The following KCNQ2 variants were observed in gnomAD, a reference collection of about 807,000 sequenced individuals.
KCNQ2 encodes the protein potassium voltage-gated channel subfamily Q member 2, also known as potassium voltage-gated channel subfamily KQT member 2.
Under a neutral mutation model 84.8 loss-of-function variants are expected in KCNQ2, and 14 were observed. The observed-to-expected ratio is 0.17, with a 90% CI of 0.11 to 0.26. The LOEUF is 0.26. Ranked by LOEUF, KCNQ2 falls within the 10% of genes least tolerant of loss-of-function variation. The pLI is 1.00. For synonymous variants in KCNQ2, 599 were observed against 554.1 expected (o/e 1.08, Z -1.14); for missense variants, 788 against 1,254.0 (o/e 0.63, Z 5.61).
intron 1 of KCNQ2, among the ~76,000 whole-genome samples, chr20:63,465,037 C>G (rs542217636): frequency 6.6e-6 from 1 of 152,244 alleles, no homozygotes; most frequent in Non-Finnish European, 1.5e-5. Context: ...AATGTCGACC[C>G]CAAAGCTCTC....
chr20:63,446,285 C>A lies in KCNQ2; in HGVS notation c.387+462G>T, dbSNP rs917229115. 3 of 259,326 alleles carry A rather than the reference C, an allele frequency of 1.2e-5. No homozygotes were observed. Among genetic ancestry groups the A allele is most frequent in the Non-Finnish European group, 2.3e-5 (3 of 132,236 alleles). The allele number at this position is 259,326 out of a possible 1,614,324, so 16.1% of individuals were successfully genotyped here. A position where few individuals can be genotyped will look rare whatever the true frequency, so the allele number is the denominator to read the frequency against. ...GATGGGGACCAGTCTCCTTGAGGGCCCCCCACCCCGTTACCAACAGCAACA... is the reference window on the plus strand; with the variant it reads ...GATGGGGACCAGTCTCCTTGAGGGCACCCCACCCCGTTACCAACAGCAACA... On this transcript the variant is annotated intron_variant, in intron 2 of 16. Coordinates refer to ENST00000359125, the MANE Select transcript of KCNQ2 (RefSeq NM_172107.4). The surrounding 1 kb of genome is among the most constrained non-coding windows in gnomAD (Gnocchi z 5.5).
At position 63,400,751 on chromosome 20, in the gene KCNQ2, TG is replaced by T. The variant is rs1029945844; in HGVS notation, c.*5892del. On this transcript the variant is annotated 3_prime_UTR_variant, in exon 17 of 17. Coordinates refer to ENST00000359125, the MANE Select transcript of KCNQ2 (RefSeq NM_172107.4). This position sits in a 1 kb window ranked among gnomAD's most constrained non-coding sequence, Gnocchi z 8.7. ...GCCGTGTGGATCCCGGGCAGAGGGATGGCGTCCAGCGGGACCACCAGCTCTG... is the reference window on the plus strand; with the variant it reads ...GCCGTGTGGATCCCGGGCAGAGGGATGCGTCCAGCGGGACCACCAGCTCTG... 5.0e-6 allele frequency: 2 copies of T among 398,290 alleles called. No homozygotes were observed. The highest frequency in any genetic ancestry group is 8.9e-6 in the Non-Finnish European group (2 of 225,956). The allele number at this position is 398,290 out of a possible 1,614,324, so 24.7% of individuals were successfully genotyped here. A position where few individuals can be genotyped will look rare whatever the true frequency, so the allele number is the denominator to read the frequency against.
chr20:63,444,806 C>A lies in KCNQ2; in HGVS notation c.543G>T (p.Ala181=). 6.2e-7 allele frequency: 1 copy of A among 1,607,102 alleles called. No individual in the cohort carries two copies. The highest frequency in any genetic ancestry group is 8.5e-7 in the Non-Finnish European group (1 of 1,177,134). The change falls in exon 4 of 17, where the codon GCG becomes GCT. Residue 181 remains alanine (A), a synonymous_variant. Transcript: ENST00000359125. The stretch of plus-strand genomic sequence containing the variant: ...TGCCCTGGGAGCCGGCGGCCAGCAC[C>A]GCAATGGAGGCGATGAGCACCATGA... ...IDIMVLIASI[A]VLAAGSQGNV...
At chr20:63,450,908 C>T (rs1053918605) in intron 1 of KCNQ2, among the ~76,000 whole-genome samples, 2 of 152,016 alleles carry the variant, frequency 1.3e-5, no homozygotes, top group East Asian at 3.8e-4. Context: ...GAGGCCGAGG[C>T]GGGCAGATCA....
At chr20:63,419,818 G>A (rs2080411107) in intron 11 of KCNQ2, 146 bp from the exon 12 acceptor site, 4 of 722,980 alleles carry the variant, frequency 5.5e-6, no homozygotes, top group Admixed American at 2.1e-5. Context: ...CAGCGAGGAA[G>A]GTGCACCATC....
At position 63,472,121 on chromosome 20, in the gene KCNQ2, T is replaced by TG. The variant is rs990814068; in HGVS notation, c.296+46dup. 4 of 1,364,142 alleles carry TG rather than the reference T, an allele frequency of 2.9e-6. No individual in the cohort carries two copies. The African/African-American group carries it at 6.1e-5, about 21-fold the overall frequency. 84.5% of individuals were successfully genotyped at this position (1,364,142 alleles called of 1,614,324 possible). On this transcript the variant is annotated intron_variant, in intron 1 of 16. Transcript: ENST00000359125. ...CCGGGGTCGCCGATGGGGTCGCCGA[T>TG]GGGGGTCGCCATGGGGGTCGCCACG...
intron 5 of KCNQ2, among the ~76,000 whole-genome samples, chr20:63,440,198 G>T (rs971578485): frequency 6.6e-6 from 1 of 152,160 alleles, no homozygotes; most frequent in Non-Finnish European, 1.5e-5. Context: ...GCCATGGCGG[G>T]GTGGGCTGCT....
intron 12 of KCNQ2, among the ~76,000 whole-genome samples, chr20:63,416,995 G>A (rs1041936809): frequency 1.3e-5 from 2 of 152,182 alleles, no homozygotes; most frequent in African/African-American, 2.4e-5. Flanking sequence ...AAGCAGAGAC[G>A]GAGTGGCCGA....
intron 1 of KCNQ2, among the ~76,000 whole-genome samples, chr20:63,470,689 C>G (rs1055948711): frequency 6.6e-6 from 1 of 152,190 alleles, no homozygotes; most frequent in Non-Finnish European, 1.5e-5. Context: ...TGGGTTCTAT[C>G]CTACCCTCCT....
At position 63,404,349 on chromosome 20, in the gene KCNQ2, TGGGGG is replaced by T. The variant is rs1006357399; in HGVS notation, c.*2290_*2294del. 1 of 81,264 alleles carries T rather than the reference TGGGGG, an allele frequency of 1.2e-5. No individual in the cohort carries two copies. The highest frequency in any genetic ancestry group is 6.0e-5 in the African/African-American group (1 of 16,780). 5.0% of individuals were successfully genotyped at this position (81,264 alleles called of 1,614,324 possible). ...GGAAAGAACAGGTGGGGCCACACCT[TGGGGG>T]GGGAGGAAAGAGCAGGTGGGGCCAT... On this transcript the variant is annotated 3_prime_UTR_variant, in exon 17 of 17. Transcript: ENST00000359125.
chr20:63,423,995 G>A (rs958337536), intron 11 of KCNQ2, 182 bp downstream of exon 11: 3 of 660,404 alleles, frequency 4.5e-6, no homozygotes, highest in Admixed American at 2.4e-5. Flanking sequence ...GGGTGAGCAG[G>A]AAGAGTGATT....
chr20:63,416,273 C>CG (rs1027079906), intron 12 of KCNQ2, among the ~76,000 whole-genome samples: 5 of 152,328 alleles, frequency 3.3e-5, no homozygotes, highest in East Asian at 3.9e-4. Context: ...TCCATACTCT[C>CG]GGGGGGTCCT....
intron 4 of KCNQ2, among the ~76,000 whole-genome samples, chr20:63,443,033 CCACCACCATCACCATCATCAG>C (rs2081267132): frequency 1.2e-4 from 4 of 34,002 alleles, no homozygotes; most frequent in Admixed American, 3.0e-4. Context: ...CATCACATCA[CCACCACCATCACCATCATCAG>C]CATCACCATC....
chr20:63,401,026 C>G lies in KCNQ2; in HGVS notation c.*5618G>C, dbSNP rs1454987005. ...TGTGCACGTGCCTGCCTGGTAGCCC[C>G]GGGGACCGGCCCCTCCTTGCTGGCG... is the stretch of plus-strand genomic sequence containing the variant. On this transcript the variant is annotated 3_prime_UTR_variant, in exon 17 of 17. Coordinates refer to ENST00000359125, the MANE Select transcript of KCNQ2 (RefSeq NM_172107.4). 2.5e-6 allele frequency: 1 copy of G among 396,342 alleles called. No individual in the cohort carries two copies. Among genetic ancestry groups the G allele is most frequent in the African/African-American group, 2.1e-5 (1 of 48,560 alleles). The allele number at this position is 396,342 out of a possible 1,614,324, so 24.6% of individuals were successfully genotyped here.
chr20:63,468,480 C>A (rs906265114), intron 1 of KCNQ2, among the ~76,000 whole-genome samples: 3 of 152,238 alleles, frequency 2.0e-5, no homozygotes, highest in Admixed American at 1.3e-4. Flanking sequence ...ACACCAGCCC[C>A]AGAGCTGAAT....
intron 15 of KCNQ2, chr20:63,411,758 G>A (rs913487600): frequency 1.2e-5 from 7 of 596,534 alleles, no homozygotes; most frequent in Non-Finnish European, 1.8e-5. Flanking sequence ...ACGTCGGAGA[G>A]GCGCTGGCAT....
At chr20:63,417,624 G>T (rs1287896556) in intron 12 of KCNQ2, among the ~76,000 whole-genome samples, 4 of 152,256 alleles carry the variant, frequency 2.6e-5, no homozygotes, top group Non-Finnish European at 5.9e-5. Context: ...GGCCCCGGAG[G>T]GGAACGGGTC....
Position 63,407,131 on chromosome 20 carries a change from T to C in KCNQ2, c.2132A>G (p.Gln711Arg). The C allele has an allele frequency of 6.4e-7, 1 of 1,561,388 alleles. No homozygotes were observed. The highest frequency in any genetic ancestry group is 8.6e-7 in the Non-Finnish European group (1 of 1,157,008). Residue 711 changes from glutamine (Q) to arginine (R), a missense_variant, in exon 17 of 17, where the codon CAG (glutamine) becomes CGG (arginine). Physicochemically the swap from Gln to Arg is conservative, Grantham distance 43. Transcript: ENST00000359125. The surrounding 1 kb of genome is among the most constrained non-coding windows in gnomAD (Gnocchi z 7.2). ...CTGCCAGGAGGTGGAGGGCGGACAC[T>C]GGACAGGGGGCGCGGCCGGGGGCGC... ...FSAPPAAPPV[Q>R]CPPSTSWQPQ... is the part of the protein sequence containing the mutation.
rs28378948 is a variant in KCNQ2 at position 63,407,842 on chromosome 20, C to G, written c.1888-467G>C. 6,054 of 202,872 alleles carry G rather than the reference C, an allele frequency of 0.03. 125 individuals carry two copies. The highest frequency in any genetic ancestry group is 0.043 in the Non-Finnish European group (4,227 of 98,240). The allele number at this position is 202,872 out of a possible 1,614,324, so 12.6% of individuals were successfully genotyped here. The stretch of plus-strand genomic sequence containing the variant: ...CCCAGGAGCAGCTCTTCCTCCTTCC[C>G]AGACCCCTAGGGGCAAAGCCTCCAG... On this transcript the variant is annotated intron_variant, in intron 16 of 16. Coordinates refer to ENST00000359125, the MANE Select transcript of KCNQ2 (RefSeq NM_172107.4). This position sits in a 1 kb window ranked among gnomAD's most constrained non-coding sequence, Gnocchi z 7.2.
Sources: gnomAD v4.1 joint callset for allele counts (sites outside exome capture counted in the v4.1 genomes callset) on GRCh38, gnomAD v4.1.1 for gene constraint, Gnocchi (gnomAD v3.1) non-coding constraint, MANE v1.5 for transcripts, NCBI Gene and HGNC (gene_info 2026-07-23, HGNC 2026-07-21) for gene names.